Variants in IL5RA observed in about 807,000 individuals in gnomAD.
IL5RA encodes the protein interleukin-5 receptor subunit alpha.
Under a neutral mutation model 50.0 loss-of-function variants are expected in IL5RA, and 49 were observed. The ratio of observed to expected loss-of-function variants is 0.98; its 90% CI spans 0.78 to 1.24. The LOEUF (loss-of-function observed/expected upper bound fraction) is 1.24, where lower values mean the gene tolerates loss of function less well. Ranked by LOEUF, IL5RA falls within the 50% of genes most tolerant of loss-of-function variation. The pLI is 0.00. For missense variants in IL5RA, 600 were observed against 500.4 expected, an observed-to-expected ratio of 1.20 and a Z score of -1.90; for synonymous variants, 202 against 174.0, an observed-to-expected ratio of 1.16 and a Z score of -1.26.
intron 11 of IL5RA, among the ~76,000 whole-genome samples, chr3:3,074,114 C>T (rs543678023): frequency 5.0e-4 from 76 of 152,302 alleles, no homozygotes; most frequent in Middle Eastern, 6.8e-3. Context: ...CTGGGCTGAA[C>T]CTAAGCGCTC....
chr3:3,108,791 G>A (rs973209223), intron 1 of IL5RA, 100 bp from the exon 2 acceptor site: 1 of 152,210 alleles, frequency 6.6e-6, no homozygotes, highest in Non-Finnish European at 1.5e-5. Flanking sequence ...GCAGGCTGGG[G>A]AGTGTGTAAC....
rs755412329 is a variant in IL5RA, at chr3:3,101,679, A to G, written c.367+13T>C. ...CAAAACATACAAACTGGACTTTTGG[A>G]GGCCTGCTTTACCTGGTGGGGCATG... On this transcript the variant is annotated intron_variant, in intron 5 of 11. Coordinates refer to ENST00000446632, the MANE Select transcript of IL5RA (RefSeq NM_175726.4). The G allele has an allele frequency of 6.2e-7, 1 of 1,606,054 alleles. No homozygotes were observed. Among genetic ancestry groups the G allele is most frequent in the Non-Finnish European group, 8.5e-7 (1 of 1,177,894 alleles).
intron 9 of IL5RA, among the ~76,000 whole-genome samples, chr3:3,079,760 G>A (rs1299607873): frequency 6.6e-6 from 1 of 152,194 alleles, no homozygotes; most frequent in East Asian, 1.9e-4. Flanking sequence ...TTTGGGCCGG[G>A]TGTGTTAGCT....
Position 3,092,133 on chromosome 3 carries a change from T to C in IL5RA, c.994+91A>G. 1 of 1,533,656 alleles carries C rather than the reference T, an allele frequency of 6.5e-7. No homozygotes were observed. The highest frequency in any genetic ancestry group is 8.7e-7 in the Non-Finnish European group (1 of 1,147,484). ...TCACAATAGAGATATGAAACCATTTTAAGACCCACGAGTGAACGGGTACGT... is the reference window on the plus strand; with the variant it reads ...TCACAATAGAGATATGAAACCATTTCAAGACCCACGAGTGAACGGGTACGT... On this transcript the variant is annotated intron_variant, in intron 9 of 11. Coordinates refer to ENST00000446632, the MANE Select transcript of IL5RA (RefSeq NM_175726.4). This position sits in a 1 kb window ranked among gnomAD's most constrained non-coding sequence, Gnocchi z 4.2.
At chr3:3,103,987 A>G (rs1232315566) in intron 3 of IL5RA, among the ~76,000 whole-genome samples, 1 of 152,170 alleles carries the variant, frequency 6.6e-6, no homozygotes, top group Non-Finnish European at 1.5e-5. Context: ...TCTATATTGC[A>G]TTGTCCATTA....
chr3:3,074,985 T>C, intron 10 of IL5RA, 119 bp from the exon 11 acceptor site: 1 of 661,128 alleles, frequency 1.5e-6, no homozygotes, highest in Non-Finnish European at 2.7e-6. Flanking sequence ...ATTCAAAATC[T>C]TTACGTACCA....
rs1704121602 is a variant in IL5RA at position 3,110,299 on chromosome 3, A to G, written c.-500T>C. On this transcript the variant is annotated 5_prime_UTR_variant, in exon 1 of 12. Coordinates refer to ENST00000446632, the MANE Select transcript of IL5RA (RefSeq NM_175726.4). ...TGGTTTGCTCTCTTCAGGAGTGGGA[A>G]TTAACTTTTACTCATGGTGACAAGG... 6.6e-6 allele frequency: 1 copy of G among 152,212 alleles called. No individual in the cohort carries two copies. The highest frequency in any genetic ancestry group is 6.5e-5 in the Admixed American group (1 of 15,278). 9.4% of individuals were successfully genotyped at this position (152,212 alleles called of 1,614,324 possible). A position where few individuals can be genotyped will look rare whatever the true frequency, so the allele number is the denominator to read the frequency against.
chr3:3,093,412 C>A (rs9878294), intron 8 of IL5RA, among the ~76,000 whole-genome samples: 20 of 152,172 alleles, frequency 1.3e-4, no homozygotes, highest in Non-Finnish European at 2.2e-4. Flanking sequence ...TTGACATTGC[C>A]ATGATATCCA....
intron 9 of IL5RA, among the ~76,000 whole-genome samples, chr3:3,078,416 T>C (rs891330028): frequency 1.3e-5 from 2 of 152,228 alleles, no homozygotes; most frequent in Non-Finnish European, 2.9e-5. Context: ...AATCTCCTTC[T>C]TCATCTCTTC....
intron 3 of IL5RA, among the ~76,000 whole-genome samples, chr3:3,104,007 C>T (rs927741275): frequency 6.6e-6 from 1 of 152,196 alleles, no homozygotes; most frequent in African/African-American, 2.4e-5. Context: ...ACGGTAGCCA[C>T]TGGCAACTTG....
intron 5 of IL5RA, among the ~76,000 whole-genome samples, chr3:3,100,974 C>A (rs1575006495): frequency 6.9e-6 from 1 of 144,440 alleles, no homozygotes; most frequent in Non-Finnish European, 1.5e-5. Context: ...TGGCAAAACC[C>A]CATCTCAATA....
chr3:3,075,203 CTTTTTTTTTTTTT>C (rs10642608), intron 10 of IL5RA, among the ~76,000 whole-genome samples: 1 of 69,940 alleles, frequency 1.4e-5, no homozygotes, highest in African/African-American at 6.0e-5. Context: ...AGTTTACTTA[CTTTTTTTTTTTTT>C]TTTTTTTTTT....
intron 11 of IL5RA, among the ~76,000 whole-genome samples, chr3:3,070,627 G>A (rs539082431): frequency 1.0e-4 from 13 of 124,280 alleles, no homozygotes; most frequent in African/African-American, 4.2e-4. Context: ...TTGTCACCCT[G>A]GCTGGAGTAC....
At chr3:3,078,482 C>A (rs1311661938) in intron 9 of IL5RA, among the ~76,000 whole-genome samples, 1 of 152,186 alleles carries the variant, frequency 6.6e-6, no homozygotes, top group Non-Finnish European at 1.5e-5. Context: ...CATGACCCTG[C>A]TTTGCCATCT....
Position 3,098,270 on chromosome 3 carries a change from C to G in IL5RA, c.388G>C (p.Val130Leu). The G allele has an allele frequency of 6.2e-7, 1 of 1,614,042 alleles. No individual in the cohort carries two copies. Among genetic ancestry groups the G allele is most frequent in the South Asian group, 1.1e-5 (1 of 91,076 alleles). The change falls in exon 6 of 12, where the codon GTG becomes CTG. Residue 130 changes from valine (V) to leucine (L), a missense_variant. Transcript: ENST00000446632. Reference sequence around the variant, plus strand: ...GTGTTTGTGGTGCAAGTTAAATTCACAATTGAGGTTCCAGGAGACCCTAGG... The same window carrying G: ...GTGTTTGTGGTGCAAGTTAAATTCAGAATTGAGGTTCCAGGAGACCCTAGG... ...APPGSPGTSI[V>L]NLTCTTNTTE...
In IL5RA at chr3:3,103,138, C is replaced by T. The variant is rs114320175; in HGVS notation, c.83-318G>A. Reference sequence around the variant, plus strand: ...CTTCAAATGATCTGTCCGCCTCAGCCTCCCAAAGTGCTAGGATTACAGGCA... The same window carrying T: ...CTTCAAATGATCTGTCCGCCTCAGCTTCCCAAAGTGCTAGGATTACAGGCA... On this transcript the variant is annotated intron_variant, in intron 3 of 11. Coordinates refer to ENST00000446632, the MANE Select transcript of IL5RA (RefSeq NM_175726.4). 917 of 174,174 alleles carry T rather than the reference C, an allele frequency of 5.3e-3. 9 individuals are homozygous for T. Among genetic ancestry groups the T allele is most frequent in the African/African-American group, 0.019 (814 of 42,300 alleles). 10.8% of individuals were successfully genotyped at this position (174,174 alleles called of 1,614,324 possible).
chr3:3,073,394 TG>T (rs1245984510), intron 11 of IL5RA, among the ~76,000 whole-genome samples: 2 of 152,202 alleles, frequency 1.3e-5, no homozygotes, highest in Non-Finnish European at 2.9e-5. Flanking sequence ...TCTGGCTTGT[TG>T]CCTGTTTTGG....
intron 8 of IL5RA, among the ~76,000 whole-genome samples, chr3:3,093,452 A>T (rs945320491): frequency 8.5e-5 from 13 of 152,176 alleles, no homozygotes; most frequent in African/African-American, 3.1e-4. Flanking sequence ...GACACTTTAC[A>T]TGTCTTTGGC....
intron 11 of IL5RA, among the ~76,000 whole-genome samples, chr3:3,073,364 A>G (rs552108260): frequency 1.3e-5 from 2 of 152,344 alleles, no homozygotes; most frequent in South Asian, 4.1e-4. Context: ...AGGGTTGGCA[A>G]ACTACAGCCG....
Sources: allele counts gnomAD v4.1 joint callset (sites outside exome capture counted in the v4.1 genomes callset), GRCh38; gene constraint gnomAD v4.1.1; non-coding constraint Gnocchi (gnomAD v3.1); transcripts MANE v1.5; gene names NCBI Gene and HGNC (gene_info 2026-07-23, HGNC 2026-07-21).